TSHZ3: variants seen among roughly 807,000 people sequenced by gnomAD.
The protein encoded by TSHZ3 is teashirt homolog 3.
A neutral mutation model predicts 64.5 loss-of-function variants in TSHZ3; 10 were observed. That is an observed-to-expected ratio of 0.16 (90% CI 0.10 to 0.26). The LOEUF (loss-of-function observed/expected upper bound fraction) is 0.26, where lower values mean the gene tolerates loss of function less well. Among genes scored for constraint, TSHZ3 ranks in the 10% least tolerant of loss-of-function variants. The probability of loss-of-function intolerance (pLI) is 1.00; values close to 1 mark genes in which losing one functional copy is unlikely to be tolerated. For synonymous variants in TSHZ3, 608 were observed against 593.1 expected (o/e 1.03, Z -0.36); for missense variants, 1,242 against 1,421.7 (o/e 0.87, Z 2.03).
At chr19:31,284,396 T>C (rs1327163773) in intron 1 of TSHZ3, among the ~76,000 whole-genome samples, 10 of 152,042 alleles carry the variant, frequency 6.6e-5, no homozygotes, top group Non-Finnish European at 1.3e-4. Context: ...GAGATTAATA[T>C]AGAATATCAG....
At chr19:31,214,969 C>T (rs1422875745) in intron 4 of TSHZ3, among the ~76,000 whole-genome samples, 1 of 151,216 alleles carries the variant, frequency 6.6e-6, no homozygotes, top group African/African-American at 2.4e-5. Flanking sequence ...AGACCATTCC[C>T]TCTTTGCCAA....
chr19:31,243,524 C>T (rs1400326102), intron 1 of TSHZ3, among the ~76,000 whole-genome samples: 27 of 152,146 alleles, frequency 1.8e-4, no homozygotes, highest in Admixed American at 1.3e-3. Context: ...TGAACTTTCC[C>T]GTGTCAGAGG....
chr19:31,296,888 C>G (rs73927342), intron 1 of TSHZ3, among the ~76,000 whole-genome samples: 1,746 of 152,304 alleles, frequency 0.011, 24 homozygotes, highest in African/African-American at 0.039. Flanking sequence ...TCTCCAGCCT[C>G]TCACCTTTGC....
Position 31,296,428 on chromosome 19 carries a change from G to A in TSHZ3, c.41-16676C>T, listed in dbSNP as rs551478420. 6.7e-5 allele frequency among the ~76,000 whole-genome samples: 10 copies of A among 148,386 alleles called. No individual in the cohort carries two copies. The South Asian group carries it at 1.5e-3, about 22-fold the overall frequency. ...CGGCTCACTGCAACCTCTGCCTCCC[G>A]GGTTCAAGCGATTCTCCTGCCTCAG... On this transcript the variant is annotated intron_variant, in intron 1 of 1. Transcript: ENST00000240587.
chr19:31,251,001 C>T (rs1975833309), intron 1 of TSHZ3, among the ~76,000 whole-genome samples: 1 of 152,128 alleles, frequency 6.6e-6, no homozygotes, highest in Admixed American at 6.5e-5. Context: ...CCCACCTTTC[C>T]ACTGGGAAGC....
In TSHZ3 at chr19:31,279,817, A is replaced by G; in HGVS notation, c.41-65T>C. On this transcript the variant is annotated intron_variant, in intron 1 of 1. Coordinates refer to ENST00000240587, the MANE Select transcript of TSHZ3 (RefSeq NM_020856.4). The surrounding 1 kb of genome is among the most constrained non-coding windows in gnomAD (Gnocchi z 6.4). Reference sequence around the variant, plus strand: ...GGAATGAAGAGAGACAGGGAGAAGGAGAGAAAGAAAAAAAAAAGCATTAGT... The same window carrying G: ...GGAATGAAGAGAGACAGGGAGAAGGGGAGAAAGAAAAAAAAAAGCATTAGT... The G allele has an allele frequency of 7.3e-7, 1 of 1,371,270 alleles. No homozygotes were observed. Among genetic ancestry groups the G allele is most frequent in the Non-Finnish European group, 9.6e-7 (1 of 1,039,208 alleles). The allele number at this position is 1,371,270 out of a possible 1,614,324, so 84.9% of individuals were successfully genotyped here. A position where few individuals can be genotyped will look rare whatever the true frequency, so the allele number is the denominator to read the frequency against.
chr19:31,303,266 G>C (rs1245075294), intron 1 of TSHZ3, among the ~76,000 whole-genome samples: 10 of 152,192 alleles, frequency 6.6e-5, no homozygotes, highest in Admixed American at 6.5e-5. Context: ...TGGAGCTGCT[G>C]ACCCGCAGGC....
intron 5 of TSHZ3, among the ~76,000 whole-genome samples, chr19:31,200,001 T>C (rs1320037305): frequency 6.6e-6 from 1 of 151,520 alleles, no homozygotes; most frequent in Non-Finnish European, 1.5e-5. Context: ...GAAATGCAAA[T>C]TGGAGCAGCA....
chr19:31,209,960 C>T (rs1195796552), intron 4 of TSHZ3, among the ~76,000 whole-genome samples: 1 of 151,980 alleles, frequency 6.6e-6, no homozygotes, highest in Non-Finnish European at 1.5e-5. Context: ...GGTCAGTGAG[C>T]CATGTGGAAG....
chr19:31,167,589 G>C (rs553389395), intron 5 of TSHZ3: 1 of 152,284 alleles, frequency 6.6e-6, no homozygotes, highest in South Asian at 2.1e-4. Context: ...AGGAAAGGAT[G>C]GTAAAAAGGG....
chr19:31,193,994 T>C (rs1302994668), intron 5 of TSHZ3, among the ~76,000 whole-genome samples: 2 of 152,080 alleles, frequency 1.3e-5, no homozygotes, highest in African/African-American at 2.4e-5. Flanking sequence ...TCTTCTTAGA[T>C]CCCAAAGGGA....
intron 1 of TSHZ3, among the ~76,000 whole-genome samples, chr19:31,245,598 A>G (rs1975749458): frequency 6.6e-6 from 1 of 152,214 alleles, no homozygotes; most frequent in South Asian, 2.1e-4. Flanking sequence ...CAACTGCACT[A>G]TCAGATGGGA....
intron 4 of TSHZ3, among the ~76,000 whole-genome samples, chr19:31,220,121 G>C (rs1215605986): frequency 6.6e-6 from 1 of 152,140 alleles, no homozygotes; most frequent in African/African-American, 2.4e-5. Context: ...ATATCTGTAT[G>C]AAATAAAAAT....
At chr19:31,207,166 T>C (rs1416422462) in intron 4 of TSHZ3, among the ~76,000 whole-genome samples, 3 of 152,216 alleles carry the variant, frequency 2.0e-5, no homozygotes, top group Non-Finnish European at 4.4e-5. Flanking sequence ...TACCTTTTAA[T>C]GAATGCATTG....
chr19:31,187,911 T>C (rs1156935034), intron 5 of TSHZ3, among the ~76,000 whole-genome samples: 1 of 152,064 alleles, frequency 6.6e-6, no homozygotes, highest in Non-Finnish European at 1.5e-5. Flanking sequence ...TTCTAAATCC[T>C]CTAGATTTCC....
chr19:31,184,032 A>G (rs1203698788), intron 5 of TSHZ3, among the ~76,000 whole-genome samples: 1 of 152,196 alleles, frequency 6.6e-6, no homozygotes, highest in Non-Finnish European at 1.5e-5. Context: ...ACGCCTTCAG[A>G]ACGTGACGAT....
chr19:31,303,805 T>A (rs535567678), intron 1 of TSHZ3, among the ~76,000 whole-genome samples: 1 of 152,042 alleles, frequency 6.6e-6, no homozygotes, highest in African/African-American at 2.4e-5. Context: ...AGCACATGGG[T>A]CTCAGAAAGA....
At chr19:31,284,004 T>C (rs1452501778) in intron 1 of TSHZ3, among the ~76,000 whole-genome samples, 1 of 152,166 alleles carries the variant, frequency 6.6e-6, no homozygotes, top group Non-Finnish European at 1.5e-5. Context: ...CGTCCACCGA[T>C]TCGACCCAAC....
At chr19:31,205,765 A>G (rs540380108) in intron 4 of TSHZ3, among the ~76,000 whole-genome samples, 1 of 152,222 alleles carries the variant, frequency 6.6e-6, no homozygotes, top group Non-Finnish European at 1.5e-5. Context: ...AGCACTTTGA[A>G]TCCAATCCTA....
Sources: gnomAD v4.1 joint callset for allele counts (sites outside exome capture counted in the v4.1 genomes callset) on GRCh38, gnomAD v4.1.1 for gene constraint, Gnocchi (gnomAD v3.1) non-coding constraint, MANE v1.5 for transcripts, NCBI Gene and HGNC (gene_info 2026-07-23, HGNC 2026-07-21) for gene names.